ASTN2: variants seen among roughly 807,000 people sequenced by gnomAD.
ASTN2 encodes the protein astrotactin-2.
A neutral mutation model predicts 139.8 loss-of-function variants in ASTN2; 54 were observed. That is an observed-to-expected ratio of 0.39 (90% CI 0.31 to 0.48). The LOEUF (loss-of-function observed/expected upper bound fraction) is 0.48. Ranked by LOEUF, ASTN2 falls within the 20% of genes least tolerant of loss-of-function variation. The pLI is 0.95. For missense variants in ASTN2, 1,565 were observed against 1,725.1 expected, an observed-to-expected ratio of 0.91 and a Z score of 1.64; for synonymous variants, 756 against 719.5, an observed-to-expected ratio of 1.05 and a Z score of -0.81.
chr9:117,406,612 G>A (rs762535903), intron 1 of ASTN2, among the ~76,000 whole-genome samples: 7 of 151,866 alleles, frequency 4.6e-5, no homozygotes, highest in East Asian at 1.9e-4. Flanking sequence ...GCTGTTCTCC[G>A]CCTGGAATGT....
intron 1 of ASTN2, among the ~76,000 whole-genome samples, chr9:117,344,894 C>A (rs1027835840): frequency 2.6e-5 from 4 of 152,208 alleles, no homozygotes; most frequent in African/African-American, 9.6e-5. Flanking sequence ...ATTTTTCATC[C>A]AAACATAAAT....
chr9:116,631,645 G>A (rs1588113747), intron 17 of ASTN2, among the ~76,000 whole-genome samples: 1 of 152,198 alleles, frequency 6.6e-6, no homozygotes, highest in East Asian at 1.9e-4. Flanking sequence ...ATAAGATCTG[G>A]TGTTCAATAG....
chr9:116,698,393 T>TAGTC lies in ASTN2; in HGVS notation c.2806+27374_2806+27377dup. On this transcript the variant is annotated intron_variant, in intron 16 of 22. Transcript: ENST00000313400. This position sits in a 1 kb window ranked among gnomAD's most constrained non-coding sequence, Gnocchi z 4.4. ...CTTTGGCTGAAGTTGAGAAGTCCAA[T>TAGTC]AGTCAAGTGGTAGAGGAGCAGAGTT... is the stretch of plus-strand genomic sequence containing the variant. 6.2e-7 allele frequency: 1 copy of TAGTC among 1,614,026 alleles called. No individual in the cohort carries two copies. The highest frequency in any genetic ancestry group is 1.3e-5 in the African/African-American group (1 of 75,004).
intron 19 of ASTN2, among the ~76,000 whole-genome samples, chr9:116,524,941 T>C (rs1851028215): frequency 1.3e-5 from 2 of 152,144 alleles, no homozygotes; most frequent in East Asian, 1.9e-4. Context: ...TAAAGATACC[T>C]GAAAATGTGG....
intron 2 of ASTN2, among the ~76,000 whole-genome samples, chr9:117,236,025 C>G (rs969547824): frequency 2.0e-5 from 3 of 152,158 alleles, no homozygotes; most frequent in Non-Finnish European, 4.4e-5. Flanking sequence ...TAATCCAAAT[C>G]CAGCTGTGGC....
chr9:116,652,397 C>T (rs1418292744), intron 16 of ASTN2, among the ~76,000 whole-genome samples: 3 of 152,030 alleles, frequency 2.0e-5, no homozygotes, highest in African/African-American at 7.2e-5. Flanking sequence ...GATTATTATT[C>T]AATAATTTTG....
chr9:117,118,879 CCACCCTAAGATA>C (rs1313612224), intron 4 of ASTN2, among the ~76,000 whole-genome samples: 19 of 152,278 alleles, frequency 1.2e-4, no homozygotes, highest in Middle Eastern at 3.4e-3. Flanking sequence ...CCTTCTCTGA[CCACCCTAAGATA>C]CTCCCTTCCT....
intron 3 of ASTN2, among the ~76,000 whole-genome samples, chr9:117,159,573 T>C (rs1367361603): frequency 6.6e-6 from 1 of 152,030 alleles, no homozygotes; most frequent in Admixed American, 6.6e-5. Context: ...TTATTGAGCA[T>C]CAATTCATTA....
intron 16 of ASTN2, among the ~76,000 whole-genome samples, chr9:116,706,149 A>T (rs1403895219): frequency 6.6e-6 from 1 of 152,144 alleles, no homozygotes; most frequent in Non-Finnish European, 1.5e-5. Context: ...CGGTATTCTA[A>T]TATCTCTCCT....
intron 20 of ASTN2, among the ~76,000 whole-genome samples, chr9:116,445,996 T>C (rs1401841158): frequency 6.6e-6 from 1 of 152,014 alleles, no homozygotes; most frequent in Non-Finnish European, 1.5e-5. Flanking sequence ...GCTGTAATTG[T>C]AGAACTGTTC....
intron 16 of ASTN2, among the ~76,000 whole-genome samples, chr9:116,657,612 G>A (rs1376836600): frequency 1.3e-5 from 2 of 152,184 alleles, no homozygotes; most frequent in Admixed American, 6.6e-5. Context: ...AGGCCAAGGC[G>A]GGTGAACCAC....
chr9:117,261,122 A>G (rs1446852454), intron 2 of ASTN2, among the ~76,000 whole-genome samples: 1 of 152,230 alleles, frequency 6.6e-6, no homozygotes, highest in African/African-American at 2.4e-5. Flanking sequence ...AGTGAGCACA[A>G]TGAATTCCCT....
intron 5 of ASTN2, among the ~76,000 whole-genome samples, chr9:117,047,739 C>A (rs1351996562): frequency 6.6e-6 from 1 of 151,956 alleles, no homozygotes; most frequent in Non-Finnish European, 1.5e-5. Context: ...ACACTAATAA[C>A]TTTATTTTGT....
chr9:116,687,611 G>C (rs1446543387), intron 16 of ASTN2, among the ~76,000 whole-genome samples: 1 of 151,340 alleles, frequency 6.6e-6, no homozygotes. Context: ...AGCTGGGGGA[G>C]GGGAGCGAGG....
intron 4 of ASTN2, among the ~76,000 whole-genome samples, chr9:117,131,011 G>A (rs1829815134): frequency 6.6e-6 from 1 of 152,160 alleles, no homozygotes; most frequent in Admixed American, 6.5e-5. Flanking sequence ...GCTTCTCTTT[G>A]TAGTCTTCTA....
At chr9:116,635,734 G>A (rs1857042509) in intron 17 of ASTN2, among the ~76,000 whole-genome samples, 1 of 152,200 alleles carries the variant, frequency 6.6e-6, no homozygotes, top group South Asian at 2.1e-4. Flanking sequence ...GTTGGAGCAA[G>A]CTGAAGTTGA....
chr9:117,263,983 G>T (rs980732243), intron 2 of ASTN2, among the ~76,000 whole-genome samples: 1 of 151,798 alleles, frequency 6.6e-6, no homozygotes, highest in Admixed American at 6.6e-5. Flanking sequence ...CCTGGGCAAC[G>T]CAGCGAAATC....
intron 16 of ASTN2, among the ~76,000 whole-genome samples, chr9:116,701,877 T>TGG (rs201629126): frequency 8.2e-6 from 1 of 121,748 alleles, no homozygotes; most frequent in African/African-American, 3.0e-5. Flanking sequence ...AGCAGTTTTT[T>TGG]GGGTTTTTTT....
At chr9:116,776,436 G>T (rs1275717622) in intron 13 of ASTN2, among the ~76,000 whole-genome samples, 2 of 152,212 alleles carry the variant, frequency 1.3e-5, no homozygotes, top group African/African-American at 2.4e-5. Context: ...TTACCTGCCT[G>T]CAGGTCACAA....
Sources: allele counts gnomAD v4.1 joint callset (sites outside exome capture counted in the v4.1 genomes callset), GRCh38; gene constraint gnomAD v4.1.1; non-coding constraint Gnocchi (gnomAD v3.1); transcripts MANE v1.5; gene names NCBI Gene and HGNC (gene_info 2026-07-23, HGNC 2026-07-21).